The following ENTREP2 variants were observed in gnomAD, a reference collection of about 807,000 sequenced individuals.
ENTREP2 encodes the protein endosomal transmembrane epsin interactor 2.
At chr15:29,404,147 G>A in the ENTREP2 span, among the ~76,000 whole-genome samples, 2 of 152,056 alleles carry the variant, frequency 1.3e-5, no homozygotes, top group Admixed American at 6.5e-5. Context: ...TCCTGCAAGG[G>A]CACAGGAGTA....
At chr15:29,290,443 C>T in the ENTREP2 span, among the ~76,000 whole-genome samples, 93,620 of 151,996 alleles carry the variant, frequency 0.62, 29,528 homozygotes, top group Middle Eastern at 0.69. Flanking sequence ...TCCATACTCC[C>T]GAGGTTTTGA....
chr15:29,581,149 G>A, the ENTREP2 span, among the ~76,000 whole-genome samples: 1 of 152,084 alleles, frequency 6.6e-6, no homozygotes, highest in African/African-American at 2.4e-5. Context: ...TTTCAGAAAT[G>A]ATTTAGTGAT....
chr15:29,127,214 G>A, the ENTREP2 span, among the ~76,000 whole-genome samples: 10 of 152,138 alleles, frequency 6.6e-5, no homozygotes, highest in Non-Finnish European at 1.5e-4. Context: ...GGGCTGGATC[G>A]GAGTCTGTTT....
the ENTREP2 span, among the ~76,000 whole-genome samples, chr15:29,187,337 G>A: frequency 6.6e-6 from 1 of 151,918 alleles, no homozygotes; most frequent in Admixed American, 6.6e-5. Flanking sequence ...GTGCAGTGGT[G>A]CGATCTCTGC....
At chr15:29,411,635 G>A in the ENTREP2 span, among the ~76,000 whole-genome samples, 2 of 152,198 alleles carry the variant, frequency 1.3e-5, no homozygotes, top group South Asian at 2.1e-4. Flanking sequence ...TGCTTTCTTC[G>A]TGATGTCTTT....
At chr15:29,427,364 C>T in the ENTREP2 span, among the ~76,000 whole-genome samples, 1 of 152,124 alleles carries the variant, frequency 6.6e-6, no homozygotes, top group African/African-American at 2.4e-5. Context: ...TGAGATATAG[C>T]CCTATCTGTT....
chr15:29,237,735 G>A, the ENTREP2 span, among the ~76,000 whole-genome samples: 5 of 152,220 alleles, frequency 3.3e-5, no homozygotes, highest in Non-Finnish European at 5.9e-5. Context: ...CAGCTGCTCC[G>A]TAAAATGGTC....
chr15:29,495,228 G>C, the ENTREP2 span, among the ~76,000 whole-genome samples: 3 of 152,180 alleles, frequency 2.0e-5, no homozygotes, highest in East Asian at 3.9e-4. Context: ...TTTGAGAATA[G>C]CCATTCTAAC....
At chr15:29,599,056 G>T in the ENTREP2 span, among the ~76,000 whole-genome samples, 1 of 152,166 alleles carries the variant, frequency 6.6e-6, no homozygotes, top group South Asian at 2.1e-4. Flanking sequence ...TCCATGCAGG[G>T]AATGTTCATC....
At chr15:29,151,217 G>T in the ENTREP2 span, among the ~76,000 whole-genome samples, 1 of 152,144 alleles carries the variant, frequency 6.6e-6, no homozygotes, top group Non-Finnish European at 1.5e-5. Flanking sequence ...GGAGTGACAG[G>T]TCTTCTTGTG....
the ENTREP2 span, among the ~76,000 whole-genome samples, chr15:29,655,638 AT>A: frequency 6.6e-6 from 1 of 152,314 alleles, no homozygotes; most frequent in Admixed American, 6.5e-5. Flanking sequence ...TTGTGGAAAA[AT>A]TCACAACATA....
the ENTREP2 span, among the ~76,000 whole-genome samples, chr15:29,554,342 T>G: frequency 0.023 from 2,138 of 93,522 alleles, no homozygotes; most frequent in African/African-American, 0.035. Flanking sequence ...AGGAAGGAAG[T>G]GAGGAAGGTA....
the ENTREP2 span, among the ~76,000 whole-genome samples, chr15:29,587,796 C>A: frequency 6.6e-6 from 1 of 152,134 alleles, no homozygotes; most frequent in Non-Finnish European, 1.5e-5. Flanking sequence ...GTAGCTGGGA[C>A]TACAGGCATG....
chr15:29,477,993 CTATATATA>C, the ENTREP2 span, among the ~76,000 whole-genome samples: 1,160 of 85,732 alleles, frequency 0.014, 23 homozygotes, highest in East Asian at 0.041. Flanking sequence ...TTAAATTTAA[CTATATATA>C]TATATATATA....
chr15:29,154,459 GA>G, the ENTREP2 span, among the ~76,000 whole-genome samples: 12 of 147,140 alleles, frequency 8.2e-5, no homozygotes, highest in South Asian at 1.1e-3. Flanking sequence ...GTCAGAAATA[GA>G]AAAAAAAAAG....
chr15:29,310,871 A>C, the ENTREP2 span, among the ~76,000 whole-genome samples: 1 of 152,250 alleles, frequency 6.6e-6, no homozygotes, highest in East Asian at 1.9e-4. Context: ...AGCTAGAGAC[A>C]GAACTAAGGA....
the ENTREP2 span, among the ~76,000 whole-genome samples, chr15:29,214,927 A>T: frequency 6.6e-6 from 1 of 152,280 alleles, no homozygotes; most frequent in South Asian, 2.1e-4. Flanking sequence ...CTTGGATGAA[A>T]TGTTCTGCAT....
the ENTREP2 span, among the ~76,000 whole-genome samples, chr15:29,270,126 GAAAAA>G: frequency 6.8e-6 from 1 of 146,786 alleles, no homozygotes; most frequent in African/African-American, 2.5e-5. Flanking sequence ...GAACGTGTGA[GAAAAA>G]AAAAAGGTGA....
chr15:29,493,125 CTTTTTTTTTTTTT>C, the ENTREP2 span, among the ~76,000 whole-genome samples: 4 of 84,774 alleles, frequency 4.7e-5, no homozygotes, highest in Admixed American at 1.3e-4. Flanking sequence ...CCTGACAACC[CTTTTTTTTTTTTT>C]TTTTTTTTTT....
Sources: gnomAD v4.1 joint callset for allele counts (sites outside exome capture counted in the v4.1 genomes callset) on GRCh38, gnomAD v4.1.1 for gene constraint, MANE v1.5 for transcripts, NCBI Gene and HGNC (gene_info 2026-07-23, HGNC 2026-07-21) for gene names.